Variants in FAM13B observed in about 807,000 individuals in gnomAD.
FAM13B encodes family with sequence similarity 13 member B.
A neutral mutation model predicts 117.3 loss-of-function variants in FAM13B; 60 were observed. That is an observed-to-expected ratio of 0.51 (90% CI 0.42 to 0.63). The LOEUF (loss-of-function observed/expected upper bound fraction) is 0.63. FAM13B is among the 30% of genes least tolerant of loss of function. FAM13B has a pLI of 0.00. For synonymous variants in FAM13B, 332 were observed against 356.1 expected (o/e 0.93, Z 0.76); for missense variants, 972 against 1,091.9 (o/e 0.89, Z 1.55).
chr5:137,997,750 A>G (rs1780214439), intron 7 of FAM13B, among the ~76,000 whole-genome samples: 1 of 152,204 alleles, frequency 6.6e-6, no homozygotes, highest in Admixed American at 6.5e-5. Context: ...ACAACTCACA[A>G]GCAAACATTT....
In FAM13B at chr5:137,940,066, T is replaced by G. The variant is rs1181112545; in HGVS notation, c.*159A>C. On this transcript the variant is annotated 3_prime_UTR_variant, in exon 24 of 24. Transcript: ENST00000689681. ...CGCTCCCTTGAGAGGGCCTACTTAC[T>G]CTCCCATCATTTGTTTTGTTTAGTG... The G allele has an allele frequency of 6.2e-7, 1 of 1,613,934 alleles. No individual in the cohort carries two copies. Among genetic ancestry groups the G allele is most frequent in the African/African-American group, 1.3e-5 (1 of 74,924 alleles).
At chr5:137,995,995 T>C in intron 7 of FAM13B, among the ~76,000 whole-genome samples, 1 of 152,150 alleles carries the variant, frequency 6.6e-6, no homozygotes, top group Non-Finnish European at 1.5e-5. Flanking sequence ...TGATAAAATC[T>C]GTCAACTGAA....
intron 7 of FAM13B, among the ~76,000 whole-genome samples, chr5:137,995,771 A>T (rs1335999579): frequency 6.6e-6 from 1 of 152,214 alleles, no homozygotes. Flanking sequence ...TTAAAATATC[A>T]AAGGCATCAT....
intron 4 of FAM13B, among the ~76,000 whole-genome samples, chr5:138,012,218 T>TC (rs1784222677): frequency 1.1e-5 from 1 of 94,202 alleles, no homozygotes; most frequent in East Asian, 2.0e-4. Flanking sequence ...CCAATTCTCT[T>TC]TTTTTTTTTT....
At chr5:138,018,173 A>T in intron 4 of FAM13B, 129 bp downstream of exon 4, 1 of 822,850 alleles carries the variant, frequency 1.2e-6, no homozygotes, top group Non-Finnish European at 1.9e-6. Context: ...AACCCCAAAA[A>T]GCAAATGAGA....
At chr5:138,011,190 C>A in intron 5 of FAM13B, 41 bp from the exon 6 acceptor site, 1 of 1,562,016 alleles carries the variant, frequency 6.4e-7, no homozygotes. Flanking sequence ...GTTCTTAAAT[C>A]AATCACAGGT....
intron 10 of FAM13B, among the ~76,000 whole-genome samples, chr5:137,984,245 T>C (rs1322401168): frequency 6.6e-6 from 1 of 152,218 alleles, no homozygotes; most frequent in Non-Finnish European, 1.5e-5. Context: ...CACAGGATAA[T>C]ACAGAGAAGT....
At chr5:138,018,852 G>A in intron 3 of FAM13B, 103 bp downstream of exon 3, 1 of 888,478 alleles carries the variant, frequency 1.1e-6, no homozygotes, top group Non-Finnish European at 1.7e-6. Context: ...CCTATGTTTT[G>A]GACTTTCCAT....
At chr5:138,033,179 C>G (rs1434818208), upstream of FAM13B, 1 of 466,396 alleles carries the variant, frequency 2.1e-6, no homozygotes, top group Non-Finnish European at 2.8e-6. Context: ...CACAGCATTC[C>G]GGGCAGCGGC....
intron 15 of FAM13B, 102 bp from the exon 16 acceptor site, chr5:137,953,567 G>A (rs1169502715): frequency 3.2e-6 from 4 of 1,260,910 alleles, no homozygotes; most frequent in South Asian, 1.4e-5. Flanking sequence ...AAATCTTAAA[G>A]GTAAAAATAA....
intron 20 of FAM13B, among the ~76,000 whole-genome samples, chr5:137,945,109 GAAA>G (rs775850235): frequency 6.8e-6 from 1 of 146,894 alleles, no homozygotes; most frequent in Admixed American, 6.8e-5. Context: ...TAAAAGTTAG[GAAA>G]AAAAAAAGAA....
intron 1 of FAM13B, among the ~76,000 whole-genome samples, chr5:138,046,498 T>C (rs1405748489): frequency 1.3e-5 from 2 of 152,250 alleles, no homozygotes; most frequent in Non-Finnish European, 2.9e-5. Context: ...GTGTTTCCTT[T>C]AGAATTTTTC....
intron 23 of FAM13B, 89 bp from the exon 24 acceptor site, chr5:137,940,437 T>A: frequency 2.6e-6 from 2 of 756,302 alleles, no homozygotes; most frequent in Non-Finnish European, 4.2e-6. Flanking sequence ...ATACTGTTAC[T>A]AAACATAAGT....
chr5:138,019,926 C>T, intron 2 of FAM13B: 2 of 500,050 alleles, frequency 4.0e-6, no homozygotes, highest in Non-Finnish European at 5.2e-6. Flanking sequence ...GTGATCTGCC[C>T]GTCTCGGCCC....
intron 4 of FAM13B, among the ~76,000 whole-genome samples, chr5:138,014,040 G>A (rs538879604): frequency 3.4e-4 from 52 of 152,198 alleles, no homozygotes; most frequent in Admixed American, 2.0e-3. Flanking sequence ...AGGCCCAAGC[G>A]ATCCTCCCAC....
chr5:138,019,085 C>G lies in FAM13B; in HGVS notation c.27G>C (p.Leu9Phe). 6.2e-7 allele frequency: 1 copy of G among 1,613,852 alleles called. No homozygotes were observed. Among genetic ancestry groups the G allele is most frequent in the Non-Finnish European group, 8.5e-7 (1 of 1,179,966 alleles). Reference protein sequence around the residue: MRKSSSPSLSNCNSVLANK... With the variant: MRKSSSPSFSNCNSVLANK... ...TAGCAAGAACGGAGTTGCAGTTACT[C>G]AAGGAAGGGGAGGAGCTCTTCCTCA... The change falls in exon 3 of 24, where the codon TTG (leucine) becomes TTC (phenylalanine). Residue 9 changes from leucine to phenylalanine, a missense_variant. Leu to Phe is a conservative substitution (Grantham distance 22). Transcript: ENST00000689681.
intron 10 of FAM13B, among the ~76,000 whole-genome samples, chr5:137,981,991 T>C (rs905118159): frequency 6.6e-6 from 1 of 152,220 alleles, no homozygotes; most frequent in African/African-American, 2.4e-5. Flanking sequence ...ATAGGACTTA[T>C]GATTTAGCTG....
At chr5:138,015,660 C>A (rs1441598807) in intron 4 of FAM13B, among the ~76,000 whole-genome samples, 2 of 152,196 alleles carry the variant, frequency 1.3e-5, no homozygotes, top group East Asian at 3.9e-4. Context: ...CCAAGATGGT[C>A]CCACTGCACT....
chr5:138,021,914 T>C (rs984309884), intron 1 of FAM13B, among the ~76,000 whole-genome samples: 1 of 151,992 alleles, frequency 6.6e-6, no homozygotes, highest in Non-Finnish European at 1.5e-5. Context: ...CCCAGGAGTT[T>C]GAGACCAGCC....
Sources: allele counts gnomAD v4.1 joint callset (sites outside exome capture counted in the v4.1 genomes callset), GRCh38; gene constraint gnomAD v4.1.1; transcripts MANE v1.5; gene names NCBI Gene and HGNC (gene_info 2026-07-23, HGNC 2026-07-21).